Variants in ADAMTSL3 observed in about 807,000 individuals in gnomAD.
ADAMTSL3 encodes the protein ADAMTS like 3.
Under a neutral mutation model 201.7 loss-of-function variants are expected in ADAMTSL3, and 128 were observed. The observed-to-expected ratio is 0.63, with a 90% CI of 0.55 to 0.73. The LOEUF is 0.73. Among genes scored for constraint, ADAMTSL3 ranks in the 30% least tolerant of loss-of-function variants. ADAMTSL3 has a pLI of 0.00. For synonymous variants in ADAMTSL3, 738 were observed against 748.4 expected (o/e 0.99, Z 0.23); for missense variants, 1,990 against 2,119.6 (o/e 0.94, Z 1.20).
At chr15:83,726,909 G>A in intron 3 of ADAMTSL3, among the ~76,000 whole-genome samples, 1 of 151,608 alleles carries the variant, frequency 6.6e-6, no homozygotes, top group African/African-American at 2.4e-5. Context: ...ACTGGCCTCA[G>A]AGAATGAGTC....
chr15:83,808,959 A>G (rs1258991072), intron 5 of ADAMTSL3, among the ~76,000 whole-genome samples: 1 of 152,036 alleles, frequency 6.6e-6, no homozygotes, highest in Non-Finnish European at 1.5e-5. Context: ...AGTAGGCAAT[A>G]AACCAGTGGT....
intron 6 of ADAMTSL3, among the ~76,000 whole-genome samples, chr15:83,822,498 G>A (rs1262249390): frequency 0.011 from 1,513 of 138,540 alleles, 60 homozygotes; most frequent in African/African-American, 0.043. Flanking sequence ...GGGCAGAGAC[G>A]CTCCTCACCT....
intron 19 of ADAMTSL3, among the ~76,000 whole-genome samples, chr15:83,959,461 C>T (rs945474583): frequency 2.0e-5 from 3 of 152,076 alleles, no homozygotes; most frequent in Non-Finnish European, 4.4e-5. Flanking sequence ...TGCATCTATG[C>T]AAAAGAATCA....
At chr15:84,017,448 A>G (rs1292463298) in intron 25 of ADAMTSL3, among the ~76,000 whole-genome samples, 1 of 152,056 alleles carries the variant, frequency 6.6e-6, no homozygotes, top group African/African-American at 2.4e-5. Context: ...CTCATGTTGT[A>G]CTCGTTATAT....
chr15:83,717,652 G>C (rs1483891212), intron 3 of ADAMTSL3: 3 of 151,992 alleles, frequency 2.0e-5, no homozygotes, highest in African/African-American at 7.3e-5. Flanking sequence ...TTATATATTT[G>C]TAAAGTAAAA....
intron 20 of ADAMTSL3, among the ~76,000 whole-genome samples, chr15:83,974,553 G>A (rs2067249594): frequency 6.6e-6 from 1 of 152,070 alleles, no homozygotes; most frequent in Non-Finnish European, 1.5e-5. Flanking sequence ...AGCTTGTATG[G>A]GGTAGGTACA....
intron 19 of ADAMTSL3, among the ~76,000 whole-genome samples, chr15:83,952,372 C>T (rs888460910): frequency 9.2e-5 from 14 of 152,114 alleles, no homozygotes; most frequent in Admixed American, 2.0e-4. Context: ...TAGGGCTGAA[C>T]ATATGGTCTG....
At chr15:83,903,320 A>G (rs773002816) in intron 15 of ADAMTSL3, among the ~76,000 whole-genome samples, 2 of 150,400 alleles carry the variant, frequency 1.3e-5, no homozygotes, top group Admixed American at 1.3e-4. Context: ...TGTACAGTTC[A>G]GTGGCATTAA....
chr15:84,005,044 A>G (rs535533729), intron 23 of ADAMTSL3, among the ~76,000 whole-genome samples: 1 of 152,312 alleles, frequency 6.6e-6, no homozygotes, highest in South Asian at 2.1e-4. Context: ...CCTGAGGAGA[A>G]AAGACCCCCC....
At chr15:83,820,074 T>A in intron 6 of ADAMTSL3, 27 bp downstream of exon 6, 11 of 1,548,660 alleles carry the variant, frequency 7.1e-6, no homozygotes, top group African/African-American at 1.4e-5. Context: ...CCCAATCCCC[T>A]GCTTTGGGGA....
rs1420290690 is a variant in ADAMTSL3 at position 83,804,676 on chromosome 15, A to G, written c.344A>G (p.Tyr115Cys). ...GRNCEGQNIR[Y>C]KTCSNHDCPP... ...AATTGTGAAGGGCAGAACATTCGGTACAAGACATGCAGCAATCATGTAAGT... is the reference window on the plus strand; with the variant it reads ...AATTGTGAAGGGCAGAACATTCGGTGCAAGACATGCAGCAATCATGTAAGT... The change falls in exon 5 of 30, where the codon TAC becomes TGC. Residue 115 changes from tyrosine to cysteine, a missense_variant. Tyr to Cys is a radical substitution (Grantham distance 194, BLOSUM62 -2). Coordinates refer to ENST00000286744, the MANE Select transcript of ADAMTSL3 (RefSeq NM_207517.3). 1.3e-6 allele frequency: 2 copies of G among 1,586,714 alleles called. No homozygotes were observed. Among genetic ancestry groups the G allele is most frequent in the Non-Finnish European group, 1.7e-6 (2 of 1,168,202 alleles).
rs752362345 is a variant in ADAMTSL3 at position 83,897,891 on chromosome 15, C to T, written c.1501C>T (p.Arg501Trp). The T allele has an allele frequency of 8.7e-6, 14 of 1,610,774 alleles. No homozygotes were observed. Among genetic ancestry groups the T allele is most frequent in the South Asian group, 2.2e-5 (2 of 90,410 alleles). The change falls in exon 14 of 30, where the codon CGG (arginine) becomes TGG (tryptophan). Residue 501 changes from arginine to tryptophan, a missense_variant. By Grantham distance (101) the Arg-to-Trp change is moderately radical. Transcript: ENST00000286744. ...GACTTGTGGCCGAGGGTTACGGTAC[C>T]GGGTTGTTCTGTGTATTAACCACCG... ...TVTCGRGLRY[R>W]VVLCINHRGE...
chr15:84,020,802 G>A (rs558388116), intron 25 of ADAMTSL3, among the ~76,000 whole-genome samples: 9 of 152,246 alleles, frequency 5.9e-5, no homozygotes, highest in Non-Finnish European at 1.2e-4. Flanking sequence ...GGAGGTGGTC[G>A]GCTTCTACTC....
chr15:83,702,941 C>T lies in ADAMTSL3; in HGVS notation c.70-1448C>T, dbSNP rs150251072. 3.3e-4 allele frequency among the ~76,000 whole-genome samples: 50 copies of T among 152,248 alleles called. 1 individual carries two copies. In the South Asian group the frequency reaches 3.7e-3, roughly 11 times the overall value. On this transcript the variant is annotated intron_variant, in intron 2 of 29. Transcript: ENST00000286744. ...TCCTCGAAGAGCCACAGACATTCAACGCCTGCCTGTGAAAACAGCTGGGAG... is the reference window on the plus strand; with the variant it reads ...TCCTCGAAGAGCCACAGACATTCAATGCCTGCCTGTGAAAACAGCTGGGAG...
chr15:83,998,579 G>C (rs1018076434), intron 23 of ADAMTSL3, among the ~76,000 whole-genome samples: 1 of 152,126 alleles, frequency 6.6e-6, no homozygotes, highest in Non-Finnish European at 1.5e-5. Flanking sequence ...AAGTTCACTG[G>C]GGGGAAAGTA....
intron 2 of ADAMTSL3, among the ~76,000 whole-genome samples, chr15:83,696,945 A>C (rs1240007726): frequency 6.6e-6 from 1 of 152,188 alleles, no homozygotes; most frequent in Non-Finnish European, 1.5e-5. Flanking sequence ...ATGGCTTAGC[A>C]ATGGCATGTG....
chr15:83,801,239 C>T (rs2063509382), intron 4 of ADAMTSL3, among the ~76,000 whole-genome samples: 2 of 152,122 alleles, frequency 1.3e-5, no homozygotes. Context: ...ATCAAGAAAG[C>T]GCATCTACCT....
intron 17 of ADAMTSL3, among the ~76,000 whole-genome samples, chr15:83,935,150 A>G (rs1017605126): frequency 3.2e-4 from 48 of 152,214 alleles, no homozygotes; most frequent in Admixed American, 2.3e-3. Flanking sequence ...CAATATATCC[A>G]TGTAATGAAA....
At chr15:83,818,402 C>G (rs192970827) in intron 5 of ADAMTSL3, among the ~76,000 whole-genome samples, 2 of 152,312 alleles carry the variant, frequency 1.3e-5, no homozygotes, top group Non-Finnish European at 2.9e-5. Context: ...TCTTGGCTCA[C>G]TGCAGCCTCC....
Sources: allele counts gnomAD v4.1 joint callset (sites outside exome capture counted in the v4.1 genomes callset), GRCh38; gene constraint gnomAD v4.1.1; transcripts MANE v1.5; gene names NCBI Gene and HGNC (gene_info 2026-07-23, HGNC 2026-07-21).